Variants in GREB1 observed in about 807,000 individuals in gnomAD.
GREB1 encodes protein GREB1.
Under a neutral mutation model 200.7 loss-of-function variants are expected in GREB1, and 106 were observed. The observed-to-expected ratio is 0.53, with a 90% CI of 0.45 to 0.62. The LOEUF (loss-of-function observed/expected upper bound fraction) is 0.62. GREB1 is among the 20% of genes least tolerant of loss of function. The pLI is 0.00. For missense variants in GREB1, 2,243 were observed against 2,556.8 expected (o/e 0.88, Z 2.65); for synonymous variants, 1,132 against 1,092.4 (o/e 1.04, Z -0.72).
Position 11,632,129 on chromosome 2 carries a change from C to G in GREB1, c.4816+16C>G. On this transcript the variant is annotated intron_variant, in intron 27 of 32. Transcript: ENST00000381486. ...GCTGGAGTTGGTGAGTGTCCTTTAACATCATCTACTCAGTCAAACTCCTGT... is the reference window on the plus strand; with the variant it reads ...GCTGGAGTTGGTGAGTGTCCTTTAAGATCATCTACTCAGTCAAACTCCTGT... 1 of 1,572,138 alleles carries G rather than the reference C, an allele frequency of 6.4e-7. No individual in the cohort carries two copies. Among genetic ancestry groups the G allele is most frequent in the Non-Finnish European group, 8.8e-7 (1 of 1,141,900 alleles).
intron 1 of GREB1, among the ~76,000 whole-genome samples, chr2:11,512,293 A>G (rs1366987655): frequency 1.3e-5 from 2 of 152,216 alleles, no homozygotes; most frequent in African/African-American, 4.8e-5. Context: ...ATCATCATTT[A>G]ATTTAGTAAA....
intron 21 of GREB1, 48 bp downstream of exon 21, chr2:11,616,768 A>G (rs1290709451): frequency 8.6e-7 from 1 of 1,159,908 alleles, no homozygotes. Flanking sequence ...CTGATTTTTG[A>G]GGTTTCAGAG....
At chr2:11,607,555 C>CAT (rs1215216428) in intron 17 of GREB1, among the ~76,000 whole-genome samples, 4 of 135,720 alleles carry the variant, frequency 2.9e-5, no homozygotes, top group Non-Finnish European at 4.6e-5. Flanking sequence ...TATGTACATA[C>CAT]ATATATATAC....
intron 1 of GREB1, among the ~76,000 whole-genome samples, chr2:11,515,554 G>A (rs1458641589): frequency 6.6e-6 from 1 of 152,078 alleles, no homozygotes; most frequent in Non-Finnish European, 1.5e-5. Flanking sequence ...TTCCTCTGCT[G>A]GAAGCCCTGT....
At chr2:11,588,272 T>TA in intron 9 of GREB1, 1 of 1,060,552 alleles carries the variant, frequency 9.4e-7, no homozygotes, top group South Asian at 3.2e-5. Context: ...TCTGTGGTGA[T>TA]ATATTGTCCC....
In GREB1 at chr2:11,618,541, GTCC is replaced by G. The variant is rs1256073849; in HGVS notation, c.3675_3677del (p.Ser1226del). ...CGGTCACCTCGTCGTGCTCCCAGCT[GTCC>G]TCCTCCTCGGGCTCATCCTCCTCAT... On this transcript the variant is annotated inframe_deletion, in exon 22 of 33. Coordinates refer to ENST00000381486, the MANE Select transcript of GREB1 (RefSeq NM_014668.4). 1.9e-6 allele frequency: 3 copies of G among 1,612,554 alleles called. No individual in the cohort carries two copies. The highest frequency in any genetic ancestry group is 1.3e-5 in the African/African-American group (1 of 74,908).
At chr2:11,596,007 C>T in intron 12 of GREB1, 104 bp from the exon 13 acceptor site, 1 of 1,132,450 alleles carries the variant, frequency 8.8e-7, no homozygotes, top group South Asian at 1.4e-5. Flanking sequence ...TCTTTACCTT[C>T]ATGACTCCAG....
chr2:11,546,358 ACT>A (rs1056868513), intron 1 of GREB1, among the ~76,000 whole-genome samples: 14 of 152,006 alleles, frequency 9.2e-5, no homozygotes, highest in Non-Finnish European at 1.8e-4. Context: ...TTCCATTCAT[ACT>A]CTCTTTCAGT....
At chr2:11,508,425 G>A (rs993385268) in intron 1 of GREB1, among the ~76,000 whole-genome samples, 3 of 152,198 alleles carry the variant, frequency 2.0e-5, no homozygotes, top group Non-Finnish European at 4.4e-5. Context: ...GCCCTGCGTG[G>A]GTCTTCAGCA....
intron 3 of GREB1, among the ~76,000 whole-genome samples, chr2:11,565,642 T>C (rs1006750097): frequency 2.6e-5 from 4 of 152,294 alleles, no homozygotes; most frequent in African/African-American, 9.6e-5. Context: ...ATGTATTATT[T>C]GAATAGGAAA....
At chr2:11,595,574 T>A (rs1681136749) in intron 12 of GREB1, among the ~76,000 whole-genome samples, 195 bp downstream of exon 12, 1 of 152,124 alleles carries the variant, frequency 6.6e-6, no homozygotes, top group African/African-American at 2.4e-5. Flanking sequence ...TGGCTGGCCA[T>A]CTCTTCCTGC....
At chr2:11,514,179 C>A (rs115169967) in intron 1 of GREB1, among the ~76,000 whole-genome samples, 1 of 152,088 alleles carries the variant, frequency 6.6e-6, no homozygotes, top group African/African-American at 2.4e-5. Flanking sequence ...AGGAAATAGG[C>A]GATTAACATT....
At chr2:11,534,664 G>C (rs1674210159) in intron 1 of GREB1, among the ~76,000 whole-genome samples, 1 of 152,174 alleles carries the variant, frequency 6.6e-6, no homozygotes, top group Non-Finnish European at 1.5e-5. Flanking sequence ...CTCAGTGATT[G>C]GGTTGGTTGG....
rs372018583 is a variant in GREB1 at position 11,610,760 on chromosome 2, C to A, written c.2739C>A (p.Ala913=). 1 of 1,613,518 alleles carries A rather than the reference C, an allele frequency of 6.2e-7. No homozygotes were observed. Among genetic ancestry groups the A allele is most frequent in the Non-Finnish European group, 8.5e-7 (1 of 1,179,986 alleles). The change falls in exon 18 of 33, where the codon GCC becomes GCA. Residue 913 remains alanine (A), a synonymous_variant. Coordinates refer to ENST00000381486, the MANE Select transcript of GREB1 (RefSeq NM_014668.4). The part of the protein sequence containing the change: ...LVQHYAAALM[A]VSGLPQMKNY... ...AGCACTACGCGGCCGCCCTGATGGC[C>A]GTAAGCGGCCTCCCGCAGATGAAGA...
At chr2:11,628,835 G>A (rs1008133890) in intron 25 of GREB1, among the ~76,000 whole-genome samples, 1 of 152,138 alleles carries the variant, frequency 6.6e-6, no homozygotes, top group South Asian at 2.1e-4. Flanking sequence ...CCTGGCCTGT[G>A]TTCTCAGGGG....
Position 11,618,705 on chromosome 2 carries a change from T to A in GREB1, c.3830T>A (p.Leu1277Gln). The change falls in exon 22 of 33, where the codon CTG becomes CAG. Residue 1277 changes from leucine (L) to glutamine (Q), a missense_variant. By Grantham distance (113) the Leu-to-Gln change is moderately radical (BLOSUM62 -2). Around this residue, in one of 3 missense-constraint regions of GREB1, gnomAD observed 587 missense variants for 553.1 expected, o/e 1.06. Transcript: ENST00000381486. ...GTTGTGTCCACTGACAGCAGTGGCC[T>A]GCCCAAGGCCGCCTCCCTCCTGCCC... ...DMVVSTDSSGLPKAASLLPSP... is the reference protein window; with the variant it reads ...DMVVSTDSSGQPKAASLLPSP... The A allele has an allele frequency of 6.2e-7, 1 of 1,613,698 alleles. No homozygotes were observed. Among genetic ancestry groups the A allele is most frequent in the Non-Finnish European group, 8.5e-7 (1 of 1,179,898 alleles).
At chr2:11,546,628 A>AGT (rs1309759671) in intron 1 of GREB1, among the ~76,000 whole-genome samples, 2 of 152,214 alleles carry the variant, frequency 1.3e-5, no homozygotes, top group Admixed American at 6.5e-5. Context: ...GGACTTTACA[A>AGT]ACTTTCTCAA....
At position 11,553,043 on chromosome 2, in the gene GREB1, T is replaced by C. The variant is rs556619916; in HGVS notation, c.-161-3411T>C. Among the ~76,000 whole-genome samples the C allele has an allele frequency of 6.6e-5, 10 of 151,256 alleles. No individual in the cohort carries two copies. The South Asian group carries it at 1.9e-3, about 29-fold the overall frequency. On this transcript the variant is annotated intron_variant, in intron 1 of 32. Transcript: ENST00000381486. ...AAAAAAAAAGAGCCGCAGATTTGAA[T>C]ACTGTTGCAATGCCTCCTCATTCTT...
At chr2:11,596,019 C>A in intron 12 of GREB1, 92 bp from the exon 13 acceptor site, 1 of 1,261,820 alleles carries the variant, frequency 7.9e-7, no homozygotes, top group Non-Finnish European at 1.1e-6. Flanking sequence ...TGACTCCAGG[C>A]CTCGGGACAG....
Sources: allele counts gnomAD v4.1 joint callset (sites outside exome capture counted in the v4.1 genomes callset), GRCh38; gene constraint gnomAD v4.1.1; regional missense constraint gnomAD v4.1.1; transcripts MANE v1.5; gene names NCBI Gene and HGNC (gene_info 2026-07-23, HGNC 2026-07-21).